Variants in CNTNAP2 observed in about 807,000 individuals in gnomAD.
CNTNAP2 encodes the protein contactin associated protein 2, also known as contactin-associated protein-like 2.
Under a neutral mutation model 155.2 loss-of-function variants are expected in CNTNAP2, and 98 were observed. The observed-to-expected ratio is 0.63, with a 90% CI of 0.54 to 0.75. The LOEUF is 0.75. CNTNAP2 is among the 30% of genes least tolerant of loss of function. CNTNAP2 has a pLI of 0.00. For synonymous variants in CNTNAP2, 651 were observed against 631.2 expected, an observed-to-expected ratio of 1.03 and a Z score of -0.47; for missense variants, 1,727 against 1,688.1, an observed-to-expected ratio of 1.02 and a Z score of -0.40.
chr7:148,266,316 T>C (rs1796667728), intron 20 of CNTNAP2, among the ~76,000 whole-genome samples: 1 of 151,914 alleles, frequency 6.6e-6, no homozygotes, highest in African/African-American at 2.4e-5. Context: ...ACTGTATAGG[T>C]GGTAAAAAGA....
intron 1 of CNTNAP2, among the ~76,000 whole-genome samples, chr7:146,762,218 G>T (rs939421181): frequency 2.0e-5 from 3 of 152,070 alleles, no homozygotes; most frequent in Non-Finnish European, 4.4e-5. Context: ...TACATTAAAC[G>T]TCTACTTTCA....
At chr7:148,194,812 G>C (rs559922182) in intron 18 of CNTNAP2, among the ~76,000 whole-genome samples, 1 of 152,158 alleles carries the variant, frequency 6.6e-6, no homozygotes, top group Non-Finnish European at 1.5e-5. Context: ...CCCCTCAATG[G>C]ATTGGATGGT....
chr7:148,386,665 GT>G (rs1799203269), intron 22 of CNTNAP2, among the ~76,000 whole-genome samples: 1 of 152,158 alleles, frequency 6.6e-6, no homozygotes, highest in African/African-American at 2.4e-5. Flanking sequence ...ATGAGGGAAG[GT>G]TACTTAACAG....
intron 13 of CNTNAP2, chr7:147,897,043 C>T (rs980024991): frequency 6.6e-6 from 1 of 151,764 alleles, no homozygotes; most frequent in East Asian, 1.9e-4. Flanking sequence ...AATGAAACTT[C>T]CTTTCCTGGG....
chr7:148,295,443 G>A (rs1353764408), intron 21 of CNTNAP2, among the ~76,000 whole-genome samples: 3 of 151,764 alleles, frequency 2.0e-5, no homozygotes, highest in Non-Finnish European at 4.4e-5. Context: ...TACTAATATG[G>A]TACAGATATT....
chr7:146,667,012 TTTG>T (rs1225280153), intron 1 of CNTNAP2, among the ~76,000 whole-genome samples: 1 of 152,150 alleles, frequency 6.6e-6, no homozygotes, highest in Non-Finnish European at 1.5e-5. Flanking sequence ...TATTTTTGCT[TTTG>T]TTGTTGTACT....
intron 22 of CNTNAP2, among the ~76,000 whole-genome samples, chr7:148,390,136 G>A (rs776571366): frequency 6.6e-6 from 1 of 152,204 alleles, no homozygotes; most frequent in Non-Finnish European, 1.5e-5. Flanking sequence ...AAAGCCGTTA[G>A]GTGGTTAAAT....
intron 2 of CNTNAP2, among the ~76,000 whole-genome samples, chr7:146,800,479 G>A (rs1802854719): frequency 1.3e-5 from 2 of 152,162 alleles, no homozygotes; most frequent in East Asian, 3.9e-4. Flanking sequence ...TTTCTGTTGG[G>A]CATTTAAGTC....
intron 4 of CNTNAP2, among the ~76,000 whole-genome samples, chr7:147,091,767 G>A (rs1057099493): frequency 7.2e-5 from 11 of 151,992 alleles, no homozygotes; most frequent in African/African-American, 7.2e-5. Flanking sequence ...CATCATGCCC[G>A]GCTATTTTTT....
intron 12 of CNTNAP2, among the ~76,000 whole-genome samples, chr7:147,633,212 T>C (rs755060370): frequency 2.6e-5 from 4 of 152,324 alleles, no homozygotes; most frequent in Admixed American, 1.3e-4. Flanking sequence ...CTTCAGAGGA[T>C]GCAAGCCCCA....
chr7:147,062,964 C>G (rs774543379), intron 4 of CNTNAP2, among the ~76,000 whole-genome samples: 5 of 152,172 alleles, frequency 3.3e-5, no homozygotes, highest in Admixed American at 1.3e-4. Context: ...GAGATTTTCT[C>G]TCTGCACTGA....
chr7:147,281,787 T>C (rs1185934144), intron 8 of CNTNAP2, among the ~76,000 whole-genome samples: 1 of 151,908 alleles, frequency 6.6e-6, no homozygotes, highest in African/African-American at 2.4e-5. Context: ...TTTGGTGAGT[T>C]AGTCATCACC....
chr7:146,469,152 T>C (rs918168100), intron 1 of CNTNAP2, among the ~76,000 whole-genome samples: 2 of 152,236 alleles, frequency 1.3e-5, no homozygotes, highest in Non-Finnish European at 2.9e-5. Flanking sequence ...CAGGAAGTGC[T>C]GGAGGTGAGC....
intron 1 of CNTNAP2, among the ~76,000 whole-genome samples, chr7:146,593,939 T>C (rs1272489361): frequency 6.6e-6 from 1 of 152,102 alleles, no homozygotes; most frequent in African/African-American, 2.4e-5. Context: ...CTCCCATGCT[T>C]CATATCTGAT....
At chr7:146,525,159 T>C (rs1797670270) in intron 1 of CNTNAP2, among the ~76,000 whole-genome samples, 1 of 152,130 alleles carries the variant, frequency 6.6e-6, no homozygotes, top group Non-Finnish European at 1.5e-5. Context: ...TATTACTTGG[T>C]AAAATTGAAT....
chr7:146,121,422 T>C (rs1373388015), intron 1 of CNTNAP2, among the ~76,000 whole-genome samples: 1 of 152,150 alleles, frequency 6.6e-6, no homozygotes, highest in African/African-American at 2.4e-5. Flanking sequence ...CAGGAGAGAA[T>C]CTAGGCTCAG....
At chr7:146,815,533 CAT>C (rs1232361572) in intron 2 of CNTNAP2, among the ~76,000 whole-genome samples, 2 of 151,918 alleles carry the variant, frequency 1.3e-5, no homozygotes, top group African/African-American at 4.8e-5. Context: ...TGAATATATT[CAT>C]AGACACATAC....
intron 1 of CNTNAP2, among the ~76,000 whole-genome samples, chr7:146,670,613 A>T (rs1800286219): frequency 6.6e-6 from 1 of 152,204 alleles, no homozygotes; most frequent in South Asian, 2.1e-4. Context: ...AATCCACTTT[A>T]ATGTATTCCT....
At chr7:146,296,255 C>G (rs1462323408) in intron 1 of CNTNAP2, among the ~76,000 whole-genome samples, 1 of 152,080 alleles carries the variant, frequency 6.6e-6, no homozygotes, top group Non-Finnish European at 1.5e-5. Context: ...TCTTTATCTC[C>G]CCATTCCATG....
Sources: gnomAD v4.1 joint callset for allele counts (sites outside exome capture counted in the v4.1 genomes callset) on GRCh38, gnomAD v4.1.1 for gene constraint, MANE v1.5 for transcripts, NCBI Gene and HGNC (gene_info 2026-07-23, HGNC 2026-07-21) for gene names.